The following STARD3NL variants were observed in gnomAD, a reference collection of about 807,000 sequenced individuals.
The protein encoded by STARD3NL is STARD3 N-terminal like.
STARD3NL carries 17 observed loss-of-function variants against 30.9 expected under a neutral mutation model. The ratio of observed to expected loss-of-function variants is 0.55; its 90% CI spans 0.38 to 0.82. STARD3NL has a LOEUF of 0.82. STARD3NL is among the 40% of genes least tolerant of loss of function. The pLI, the probability that STARD3NL is intolerant of heterozygous loss-of-function variation, is 0.00. For missense variants in STARD3NL, 234 were observed against 277.6 expected (o/e 0.84, Z 1.12); for synonymous variants, 112 against 100.5 (o/e 1.11, Z -0.69).
At chr7:38,188,284 G>A (rs932433998) in intron 1 of STARD3NL, among the ~76,000 whole-genome samples, 9 of 152,162 alleles carry the variant, frequency 5.9e-5, no homozygotes, top group Admixed American at 1.3e-4. Flanking sequence ...CCACCTGGCT[G>A]CACTCCTCTG....
chr7:38,210,930 A>G (rs1319087194), intron 2 of STARD3NL, among the ~76,000 whole-genome samples: 6 of 152,164 alleles, frequency 3.9e-5, no homozygotes, highest in East Asian at 3.9e-4. Flanking sequence ...AAGCTGTTTA[A>G]TAAGTTCTCT....
chr7:38,225,108 TA>T (rs1562628050), intron 7 of STARD3NL, among the ~76,000 whole-genome samples: 1 of 152,184 alleles, frequency 6.6e-6, no homozygotes, highest in African/African-American at 2.4e-5. Context: ...GATACTGAGA[TA>T]TTTTTCATGT....
intron 2 of STARD3NL, among the ~76,000 whole-genome samples, chr7:38,209,440 C>T (rs535519239): frequency 2.0e-5 from 3 of 152,162 alleles, no homozygotes; most frequent in Non-Finnish European, 4.4e-5. Flanking sequence ...CACACCATCA[C>T]GCCTTGCTAA....
rs535382670 is a variant in STARD3NL, at chr7:38,182,610, C to T, written c.-59+4190C>T. Reference sequence around the variant, plus strand: ...TCTTACATGATGTATCAGTACAGCTCAGGCCTTTCCAGTTGTTTTGCTTGC... The same window carrying T: ...TCTTACATGATGTATCAGTACAGCTTAGGCCTTTCCAGTTGTTTTGCTTGC... On this transcript the variant is annotated intron_variant, in intron 1 of 8. Coordinates refer to ENST00000009041, the MANE Select transcript of STARD3NL (RefSeq NM_032016.4). 2.4e-4 allele frequency among the ~76,000 whole-genome samples: 37 copies of T among 152,264 alleles called. No individual in the cohort carries two copies. In the Middle Eastern group the frequency reaches 0.014, roughly 56 times the overall value.
intron 2 of STARD3NL, among the ~76,000 whole-genome samples, chr7:38,213,183 A>ACAAGTTTC (rs1351823297): frequency 6.6e-6 from 1 of 152,146 alleles, no homozygotes; most frequent in African/African-American, 2.4e-5. Context: ...CTGGATGTTG[A>ACAAGTTTC]CAAGTTTCCT....
At chr7:38,196,255 C>T (rs1028556542) in intron 1 of STARD3NL, among the ~76,000 whole-genome samples, 2 of 148,600 alleles carry the variant, frequency 1.3e-5, no homozygotes, top group African/African-American at 5.3e-5. Context: ...TGCAGTGTCA[C>T]ATTGGATCAT....
intron 1 of STARD3NL, among the ~76,000 whole-genome samples, chr7:38,200,992 A>G (rs1785148334): frequency 6.6e-6 from 1 of 152,222 alleles, no homozygotes; most frequent in African/African-American, 2.4e-5. Context: ...TTTTTAAGTA[A>G]AAGTTTCACT....
intron 1 of STARD3NL, among the ~76,000 whole-genome samples, chr7:38,197,144 C>CTTTCTTTCTTTCTT (rs1423873005): frequency 7.4e-6 from 1 of 135,064 alleles, no homozygotes; most frequent in Non-Finnish European, 1.6e-5. Flanking sequence ...TTTTTTCTTT[C>CTTTCTTTCTTTCTT]TTTCTTTCTT....
At chr7:38,225,682 T>G (rs1159521778) in intron 7 of STARD3NL, among the ~76,000 whole-genome samples, 1 of 152,250 alleles carries the variant, frequency 6.6e-6, no homozygotes, top group Non-Finnish European at 1.5e-5. Flanking sequence ...TTTTTAATTC[T>G]GCTTTCTTAA....
intron 2 of STARD3NL, among the ~76,000 whole-genome samples, chr7:38,213,498 A>C (rs1268078429): frequency 6.6e-6 from 1 of 152,166 alleles, no homozygotes; most frequent in African/African-American, 2.4e-5. Flanking sequence ...GGTGTTCCTT[A>C]ATGTTTTCCC....
chr7:38,212,197 G>C (rs73130627), intron 2 of STARD3NL, among the ~76,000 whole-genome samples: 2 of 152,076 alleles, frequency 1.3e-5, no homozygotes, highest in South Asian at 2.1e-4. Flanking sequence ...TCCAAATGTC[G>C]TACTTTGGCT....
chr7:38,184,789 G>A (rs1470394761), intron 1 of STARD3NL, among the ~76,000 whole-genome samples: 1 of 140,696 alleles, frequency 7.1e-6, no homozygotes, highest in African/African-American at 2.6e-5. Context: ...AACAAAACAA[G>A]CAATAAAGAA....
chr7:38,215,362 G>A (rs1786045232), intron 4 of STARD3NL: 1 of 484,068 alleles, frequency 2.1e-6, no homozygotes, highest in Non-Finnish European at 3.7e-6. Flanking sequence ...TATTGGCCAA[G>A]CACCAAGCCA....
In STARD3NL at chr7:38,209,306, CAG is replaced by C. The variant is rs1278182843; in HGVS notation, c.225+1580_225+1581del. Among the ~76,000 whole-genome samples the C allele has an allele frequency of 4.0e-5, 6 of 150,764 alleles. No homozygotes were observed. In the South Asian group the frequency reaches 6.3e-4, roughly 16 times the overall value. On this transcript the variant is annotated intron_variant, in intron 2 of 8. Transcript: ENST00000009041. ...GTCTTTTTTTTTTTCTTTTTTGAGACAGAGTCTTGCTCTGTCACTCAGGCTGG... is the reference window on the plus strand; with the variant it reads ...GTCTTTTTTTTTTTCTTTTTTGAGACAGTCTTGCTCTGTCACTCAGGCTGG...
chr7:38,202,312 CAA>C (rs1785219836), intron 1 of STARD3NL: 1 of 152,150 alleles, frequency 6.6e-6, no homozygotes, highest in Non-Finnish European at 1.5e-5. Context: ...TCTGAGGAAA[CAA>C]ATTGAATGAC....
intron 7 of STARD3NL, among the ~76,000 whole-genome samples, chr7:38,227,202 C>T (rs1786820523): frequency 6.6e-6 from 1 of 152,142 alleles, no homozygotes; most frequent in Non-Finnish European, 1.5e-5. Context: ...CCAAATAATT[C>T]CAAGACATGG....
intron 7 of STARD3NL, among the ~76,000 whole-genome samples, chr7:38,227,384 C>A (rs1786831360): frequency 6.6e-6 from 1 of 152,174 alleles, no homozygotes; most frequent in African/African-American, 2.4e-5. Context: ...GTAAAGTCTT[C>A]AACAGTTAAG....
At chr7:38,203,442 A>G (rs185228280) in intron 1 of STARD3NL, among the ~76,000 whole-genome samples, 1,757 of 152,312 alleles carry the variant, frequency 0.012, 34 homozygotes, top group East Asian at 0.063. Context: ...AGATTTTGTC[A>G]CCACCAGGCC....
intron 1 of STARD3NL, among the ~76,000 whole-genome samples, chr7:38,198,776 T>G (rs1286330100): frequency 2.0e-5 from 3 of 152,132 alleles, no homozygotes; most frequent in African/African-American, 4.8e-5. Flanking sequence ...TAGTGGTAGC[T>G]CCTGCTCCAT....
Sources: gnomAD v4.1 joint callset for allele counts (sites outside exome capture counted in the v4.1 genomes callset) on GRCh38, gnomAD v4.1.1 for gene constraint, MANE v1.5 for transcripts, NCBI Gene and HGNC (gene_info 2026-07-23, HGNC 2026-07-21) for gene names.